The following FHIT variants were observed in gnomAD, a reference collection of about 807,000 sequenced individuals.
FHIT encodes the protein bis(5'-adenosyl)-triphosphatase.
In FHIT, 19 loss-of-function variants were observed where a neutral mutation model predicts 17.9. The ratio of observed to expected loss-of-function variants is 1.06; its 90% CI spans 0.74 to 1.56. The LOEUF (loss-of-function observed/expected upper bound fraction) is 1.56, where lower values mean the gene tolerates loss of function less well. FHIT is among the 40% of genes most tolerant of loss of function. FHIT has a pLI of 0.00. For synonymous variants in FHIT, 81 were observed against 69.7 expected (o/e 1.16, Z -0.81); for missense variants, 248 against 189.2 (o/e 1.31, Z -1.82).
At chr3:60,739,855 C>T (rs2042207920) in intron 4 of FHIT, among the ~76,000 whole-genome samples, 2 of 152,122 alleles carry the variant, frequency 1.3e-5, no homozygotes, top group South Asian at 2.1e-4. Context: ...GGAAATTCAT[C>T]AAGACAAAAA....
intron 8 of FHIT, among the ~76,000 whole-genome samples, chr3:59,884,633 G>C (rs1483516961): frequency 6.6e-6 from 1 of 152,166 alleles, no homozygotes. Context: ...CAAAAGCAAG[G>C]CTACCAGATG....
chr3:60,864,107 A>T (rs1704048859), intron 3 of FHIT, among the ~76,000 whole-genome samples: 1 of 152,030 alleles, frequency 6.6e-6, no homozygotes, highest in South Asian at 2.1e-4. Flanking sequence ...CCCTTTATAA[A>T]ACCATCAGAT....
At chr3:60,672,030 C>A (rs2040518031) in intron 4 of FHIT, among the ~76,000 whole-genome samples, 1 of 152,080 alleles carries the variant, frequency 6.6e-6, no homozygotes, top group African/African-American at 2.4e-5. Context: ...CTTTGGTAAA[C>A]CTTCTTGTCT....
At chr3:60,441,755 A>ATATATAT (rs1559916082) in intron 5 of FHIT, among the ~76,000 whole-genome samples, 2 of 96,560 alleles carry the variant, frequency 2.1e-5, no homozygotes, top group East Asian at 5.6e-4. Flanking sequence ...TATATATATA[A>ATATATAT]AAATATATAT....
intron 4 of FHIT, among the ~76,000 whole-genome samples, chr3:60,713,086 C>T (rs2041584030): frequency 6.6e-6 from 1 of 152,114 alleles, no homozygotes; most frequent in African/African-American, 2.4e-5. Flanking sequence ...TCTCTCAGAC[C>T]ACAGTGCAAT....
intron 5 of FHIT, among the ~76,000 whole-genome samples, chr3:60,295,464 G>C (rs1298224516): frequency 6.6e-6 from 1 of 152,070 alleles, no homozygotes; most frequent in Non-Finnish European, 1.5e-5. Flanking sequence ...CAGGAAGCAA[G>C]AGAGAGGGTA....
chr3:59,923,901 C>A (rs1366752759), intron 7 of FHIT, among the ~76,000 whole-genome samples: 4 of 152,134 alleles, frequency 2.6e-5, no homozygotes, highest in South Asian at 2.1e-4. Context: ...TCAAAGCAGC[C>A]CCTGAGCACA....
At chr3:59,777,123 T>C (rs1237734630) in intron 8 of FHIT, among the ~76,000 whole-genome samples, 1 of 152,138 alleles carries the variant, frequency 6.6e-6, no homozygotes, top group Admixed American at 6.5e-5. Context: ...AGAAAGGATT[T>C]CCCTTCTCCC....
chr3:59,872,924 A>T lies in FHIT; in HGVS notation c.348+49422T>A, dbSNP rs1385713. ...AAGTTGACATATCAATTTTCCCATG[A>T]AAAGAGATCTTGTTTTGACAACACT... On this transcript the variant is annotated intron_variant, in intron 8 of 9. Transcript: ENST00000492590. 3.5e-3 allele frequency among the ~76,000 whole-genome samples: 531 copies of T among 152,194 alleles called. 14 individuals are homozygous for T. In the East Asian group the frequency reaches 0.037, roughly 11 times the overall value.
At chr3:59,751,764 G>A (rs889518326) in intron 9 of FHIT, 6 of 234,926 alleles carry the variant, frequency 2.6e-5, no homozygotes, top group East Asian at 6.0e-5. Flanking sequence ...TCCACTCAGT[G>A]AAAGCAGAGG....
chr3:60,850,323 T>TTTC (rs1703103041), intron 3 of FHIT, among the ~76,000 whole-genome samples: 2 of 120,172 alleles, frequency 1.7e-5, no homozygotes, highest in Admixed American at 1.7e-4. Flanking sequence ...GTGTCTGCAC[T>TTTC]TCTCTCTCTC....
At chr3:60,106,677 C>G (rs971786578) in intron 5 of FHIT, among the ~76,000 whole-genome samples, 1 of 152,154 alleles carries the variant, frequency 6.6e-6, no homozygotes, top group African/African-American at 2.4e-5. Flanking sequence ...AGAGATGAGA[C>G]TCCCCTATCC....
At chr3:60,656,295 A>C (rs1340871973) in intron 4 of FHIT, among the ~76,000 whole-genome samples, 1 of 152,136 alleles carries the variant, frequency 6.6e-6, no homozygotes. Context: ...CAGTGTTTTC[A>C]TTTTTTAATG....
intron 4 of FHIT, among the ~76,000 whole-genome samples, chr3:60,595,497 A>G (rs987744524): frequency 4.5e-5 from 6 of 134,634 alleles, no homozygotes; most frequent in Non-Finnish European, 6.3e-5. Context: ...ATATGTATAT[A>G]TGTGTGTGTG....
chr3:60,907,501 G>GTATGAGGGACATTAATGGAAACATTTGA (rs1553764843), intron 3 of FHIT, among the ~76,000 whole-genome samples: 10 of 152,162 alleles, frequency 6.6e-5, no homozygotes, highest in Non-Finnish European at 8.8e-5. Flanking sequence ...ACATTACAAG[G>GTATGAGGGACATTAATGGAAACATTTGA]TATGAGGGAC....
chr3:60,850,913 T>C (rs1553748089), intron 3 of FHIT, among the ~76,000 whole-genome samples: 1 of 152,132 alleles, frequency 6.6e-6, no homozygotes, highest in East Asian at 1.9e-4. Context: ...GCTAAGTGAA[T>C]GTCCCCACAT....
At chr3:60,924,136 G>A (rs1222613744) in intron 3 of FHIT, among the ~76,000 whole-genome samples, 2 of 152,186 alleles carry the variant, frequency 1.3e-5, no homozygotes, top group African/African-American at 4.8e-5. Context: ...CTGGGGGCAG[G>A]GCATAGACAA....
chr3:60,011,266 G>C (rs1226815203), intron 7 of FHIT, 105 bp downstream of exon 7: 2 of 1,068,370 alleles, frequency 1.9e-6, no homozygotes, highest in Non-Finnish European at 2.9e-6. Flanking sequence ...TGACCTCGAA[G>C]ATAACATAAT....
intron 8 of FHIT, among the ~76,000 whole-genome samples, chr3:59,896,212 C>A (rs1407037743): frequency 6.6e-6 from 1 of 152,078 alleles, no homozygotes; most frequent in Non-Finnish European, 1.5e-5. Flanking sequence ...CTGCTGTGTC[C>A]CAAGCAAGCA....
Sources: gnomAD v4.1 joint callset for allele counts (sites outside exome capture counted in the v4.1 genomes callset) on GRCh38, gnomAD v4.1.1 for gene constraint, MANE v1.5 for transcripts, NCBI Gene and HGNC (gene_info 2026-07-23, HGNC 2026-07-21) for gene names.